The following ANKRD12 variants were observed in gnomAD, a reference collection of about 807,000 sequenced individuals.
ANKRD12 encodes the protein ankyrin repeat domain 12.
A neutral mutation model predicts 183.4 loss-of-function variants in ANKRD12; 85 were observed. The observed-to-expected ratio is 0.46, with a 90% CI of 0.39 to 0.56. The LOEUF (loss-of-function observed/expected upper bound fraction) is 0.56, where lower values mean the gene tolerates loss of function less well. Among genes scored for constraint, ANKRD12 ranks in the 20% least tolerant of loss-of-function variants. The pLI is 0.00. For synonymous variants in ANKRD12, 914 were observed against 800.2 expected (o/e 1.14, Z -2.40); for missense variants, 2,405 against 2,357.1 (o/e 1.02, Z -0.42).
At chr18:9,252,767 C>T (rs1598703504) in intron 8 of ANKRD12, among the ~76,000 whole-genome samples, 1 of 152,262 alleles carries the variant, frequency 6.6e-6, no homozygotes, top group East Asian at 1.9e-4. Flanking sequence ...GTGTTCAAGA[C>T]CAGCCTGGGC....
rs780649332 is a variant in ANKRD12 at position 9,254,799 on chromosome 18, G to A, written c.1532G>A (p.Cys511Tyr). Residue 511 changes from cysteine to tyrosine, a missense_variant, in exon 9 of 13, where the codon TGT (cysteine) becomes TAT (tyrosine). Physicochemically the swap from Cys to Tyr is radical, Grantham distance 194 (BLOSUM62 -2). Around this residue, in one of 7 missense-constraint regions of ANKRD12, gnomAD observed 1,983 missense variants for 1,725.9 expected, o/e 1.15. Transcript: ENST00000262126. Reference protein sequence around the residue: ...TNLTVNTGLDCSEKTREEGNF... With the variant: ...TNLTVNTGLDYSEKTREEGNF... Reference sequence around the variant, plus strand: ...TTGACAGTAAATACTGGACTAGATTGTTCAGAAAAGACCAGAGAGGAGGGG... The same window carrying A: ...TTGACAGTAAATACTGGACTAGATTATTCAGAAAAGACCAGAGAGGAGGGG... The A allele has an allele frequency of 2.7e-6, 4 of 1,485,544 alleles. No homozygotes were observed. The African/African-American group carries it at 4.3e-5, about 16-fold the overall frequency. 92.0% of individuals were successfully genotyped at this position (1,485,544 alleles called of 1,614,324 possible).
rs145297281 is a variant in ANKRD12, at chr18:9,198,675, G to A, written c.235+2977G>A. The stretch of plus-strand genomic sequence containing the variant: ...AGTGATTCTCCCGCCTCAGCCTTCC[G>A]AGTAGCTGGGATTACAGGCGCCTGC... On this transcript the variant is annotated intron_variant, in intron 3 of 12. Coordinates refer to ENST00000262126, the MANE Select transcript of ANKRD12 (RefSeq NM_015208.5). Among the ~76,000 whole-genome samples, 47 of 152,098 alleles carry A rather than the reference G, an allele frequency of 3.1e-4. No individual in the cohort carries two copies. In the South Asian group the frequency reaches 4.6e-3, roughly 15 times the overall value.
At chr18:9,153,621 A>AT (rs924679243) in intron 1 of ANKRD12, among the ~76,000 whole-genome samples, 5 of 151,514 alleles carry the variant, frequency 3.3e-5, no homozygotes, top group African/African-American at 7.3e-5. Flanking sequence ...ATTACTGGTC[A>AT]TTTTTTCAAA....
At chr18:9,174,897 G>A (rs1408018031) in intron 1 of ANKRD12, among the ~76,000 whole-genome samples, 5 of 151,928 alleles carry the variant, frequency 3.3e-5, no homozygotes, top group Non-Finnish European at 7.4e-5. Context: ...GACTTAAGTT[G>A]GAAGATAGTG....
At chr18:9,224,596 C>T (rs1019115262) in intron 8 of ANKRD12, among the ~76,000 whole-genome samples, 2 of 152,070 alleles carry the variant, frequency 1.3e-5, no homozygotes, top group Non-Finnish European at 1.5e-5. Flanking sequence ...TGGAGTGAAG[C>T]TGGCACCATA....
chr18:9,150,637 T>A (rs114306703), intron 1 of ANKRD12, among the ~76,000 whole-genome samples: 1,566 of 152,212 alleles, frequency 0.01, 35 homozygotes, highest in African/African-American at 0.035. Context: ...GTGATTTTTT[T>A]TAAAATTTAT....
chr18:9,226,569 G>A (rs1024824665), intron 8 of ANKRD12, among the ~76,000 whole-genome samples: 1 of 152,018 alleles, frequency 6.6e-6, no homozygotes, highest in Non-Finnish European at 1.5e-5. Context: ...GATAAACTTG[G>A]GGGGGTGGAT....
intron 1 of ANKRD12, among the ~76,000 whole-genome samples, chr18:9,179,876 A>G (rs1019003235): frequency 6.6e-6 from 1 of 152,304 alleles, no homozygotes; most frequent in East Asian, 1.9e-4. Context: ...TAAATTTGTT[A>G]AAGTTTGTTT....
chr18:9,200,935 C>A (rs2035128584), intron 3 of ANKRD12, among the ~76,000 whole-genome samples: 1 of 152,152 alleles, frequency 6.6e-6, no homozygotes, highest in African/African-American at 2.4e-5. Flanking sequence ...TGTCTTTAAT[C>A]ATTTTGCCTT....
At position 9,162,731 on chromosome 18, in the gene ANKRD12, A is replaced by G. The variant is rs182463400; in HGVS notation, c.-51-19651A>G. Among the ~76,000 whole-genome samples, 170 of 152,258 alleles carry G rather than the reference A, an allele frequency of 1.1e-3. 2 individuals carry two copies. Among genetic ancestry groups the G allele is most frequent in the African/African-American group, 3.9e-3 (162 of 41,548 alleles). On this transcript the variant is annotated intron_variant, in intron 1 of 12. Transcript: ENST00000262126. ...CCAGCGTCTGTTTCTGGACTTTTTA[A>G]TAATCGCCATTCTGACTGGCATGAG...
intron 1 of ANKRD12, among the ~76,000 whole-genome samples, chr18:9,160,416 A>G (rs990965349): frequency 6.6e-6 from 1 of 152,124 alleles, no homozygotes; most frequent in African/African-American, 2.4e-5. Context: ...CCCAGCTTAA[A>G]CTATTTTAAG....
chr18:9,279,566 T>A lies in ANKRD12; in HGVS notation c.5925T>A (p.Thr1975=), dbSNP rs2040013689. The A allele has an allele frequency of 3.1e-6, 5 of 1,599,760 alleles. No individual in the cohort carries two copies. In the South Asian group the frequency reaches 5.7e-5, roughly 18 times the overall value. ...TCTTTTAGTCTGATGACAGTAAAACTTCTGTGAGGGATCGCTTTAATGCAA... is the reference window on the plus strand; with the variant it reads ...TCTTTTAGTCTGATGACAGTAAAACATCTGTGAGGGATCGCTTTAATGCAA... ...PLDSQSDDSK[T]SVRDRFNARQ... is the part of the protein sequence containing the mutation. Residue 1975 remains threonine (T), a synonymous_variant, in exon 12 of 13, where the codon ACT becomes ACA. Transcript: ENST00000262126.
intron 10 of ANKRD12, among the ~76,000 whole-genome samples, chr18:9,273,123 G>A (rs1195212764): frequency 2.0e-5 from 3 of 152,146 alleles, no homozygotes; most frequent in African/African-American, 4.8e-5. Context: ...ACAGGTCCCA[G>A]GGTTATCCCC....
intron 8 of ANKRD12, among the ~76,000 whole-genome samples, chr18:9,239,076 G>A (rs1263591520): frequency 6.6e-6 from 1 of 152,180 alleles, no homozygotes; most frequent in Non-Finnish European, 1.5e-5. Flanking sequence ...CATGAGCTGT[G>A]TTTGCACCAC....
intron 5 of ANKRD12, among the ~76,000 whole-genome samples, chr18:9,210,277 A>G (rs1398768486): frequency 6.6e-6 from 1 of 152,174 alleles, no homozygotes; most frequent in African/African-American, 2.4e-5. Flanking sequence ...AAATTTATTC[A>G]TTCAACAAAT....
chr18:9,151,679 A>G (rs1027692652), intron 1 of ANKRD12, among the ~76,000 whole-genome samples: 7 of 152,188 alleles, frequency 4.6e-5, no homozygotes, highest in Non-Finnish European at 8.8e-5. Context: ...TCTCAAATCA[A>G]TTTCGAAGAA....
intron 1 of ANKRD12, among the ~76,000 whole-genome samples, chr18:9,181,324 C>T (rs1367184753): frequency 1.3e-5 from 2 of 152,144 alleles, no homozygotes; most frequent in African/African-American, 4.8e-5. Flanking sequence ...TTTTAAAGCA[C>T]CAACGGGACA....
At chr18:9,157,585 G>GTGTGTGTGTGTATATATATATATA (rs1472659778) in intron 1 of ANKRD12, among the ~76,000 whole-genome samples, 2 of 92,676 alleles carry the variant, frequency 2.2e-5, no homozygotes, top group African/African-American at 1.1e-4. Flanking sequence ...GTGTGTGTGT[G>GTGTGTGTGTGTATATATATATATA]TATATATATA....
chr18:9,186,472 C>T (rs187446711), intron 2 of ANKRD12, among the ~76,000 whole-genome samples: 1 of 152,288 alleles, frequency 6.6e-6, no homozygotes, highest in East Asian at 1.9e-4. Context: ...AGAAGCTCAT[C>T]TAAGGCAACA....
Sources: gnomAD v4.1 joint callset for allele counts (sites outside exome capture counted in the v4.1 genomes callset) on GRCh38, gnomAD v4.1.1 for gene constraint, gnomAD v4.1.1 regional missense constraint, MANE v1.5 for transcripts, NCBI Gene and HGNC (gene_info 2026-07-23, HGNC 2026-07-21) for gene names.